Variants in CCDC171 observed in about 807,000 individuals in gnomAD.
The protein encoded by CCDC171 is coiled-coil domain-containing protein 171.
In CCDC171, 177 loss-of-function variants were observed where a neutral mutation model predicts 168.2. The ratio of observed to expected loss-of-function variants is 1.05; its 90% CI spans 0.93 to 1.19. The LOEUF (loss-of-function observed/expected upper bound fraction) is 1.19, where lower values mean the gene tolerates loss of function less well. Ranked by LOEUF, CCDC171 falls within the 50% of genes most tolerant of loss-of-function variation. The pLI is 0.00. For synonymous variants in CCDC171, 687 were observed against 540.8 expected, an observed-to-expected ratio of 1.27 and a Z score of -3.75; for missense variants, 1,991 against 1,539.0, an observed-to-expected ratio of 1.29 and a Z score of -4.91.
intron 18 of CCDC171, among the ~76,000 whole-genome samples, chr9:15,747,659 G>C (rs1336785970): frequency 6.6e-6 from 1 of 152,180 alleles, no homozygotes; most frequent in East Asian, 1.9e-4. Context: ...CAGCTGAGGA[G>C]CCTGTTAGAA....
chr9:15,630,278 C>T (rs1222240655), intron 7 of CCDC171, among the ~76,000 whole-genome samples: 6 of 152,108 alleles, frequency 3.9e-5, no homozygotes, highest in Non-Finnish European at 8.8e-5. Flanking sequence ...ATTCAGGAAA[C>T]CCATCTCACG....
chr9:16,019,433 T>A (rs915920723), intron 3 of CCDC171, among the ~76,000 whole-genome samples: 9 of 152,130 alleles, frequency 5.9e-5, no homozygotes, highest in African/African-American at 2.2e-4. Context: ...TTAAATTCTG[T>A]TGTTAGGAAG....
the CCDC171 span, among the ~76,000 whole-genome samples, chr9:16,092,906 C>G: frequency 1.3e-5 from 2 of 152,194 alleles, no homozygotes; most frequent in Admixed American, 1.3e-4. Flanking sequence ...CCCGGCTGGC[C>G]CTGTGCAGCC....
chr9:15,898,278 G>A (rs1821162329), intron 24 of CCDC171, among the ~76,000 whole-genome samples: 1 of 152,092 alleles, frequency 6.6e-6, no homozygotes, highest in African/African-American at 2.4e-5. Context: ...TAGAGTGTGG[G>A]GTTCACCTCC....
Position 15,729,804 on chromosome 9 carries a change from C to T in CCDC171, c.2049+6C>T. Reference sequence around the variant, plus strand: ...AGGTGCAGAAGAGGGCACAGGTATGCTACCTTTACAAAGAGCTTTAAAAAA... The same window carrying T: ...AGGTGCAGAAGAGGGCACAGGTATGTTACCTTTACAAAGAGCTTTAAAAAA... On this transcript the variant is annotated splice_donor_region_variant and intron_variant, in intron 16 of 25. Coordinates refer to ENST00000380701, the MANE Select transcript of CCDC171 (RefSeq NM_173550.4). 1 of 1,593,770 alleles carries T rather than the reference C, an allele frequency of 6.3e-7. No homozygotes were observed. Among genetic ancestry groups the T allele is most frequent in the South Asian group, 1.1e-5 (1 of 88,058 alleles).
chr9:15,625,000 T>G (rs934057047), intron 7 of CCDC171, among the ~76,000 whole-genome samples: 1 of 152,204 alleles, frequency 6.6e-6, no homozygotes, highest in Non-Finnish European at 1.5e-5. Context: ...TTTTAATGAT[T>G]GCCATTCTAA....
At position 15,744,307 on chromosome 9, in the gene CCDC171, A is replaced by G; in HGVS notation, c.2084A>G (p.Lys695Arg). The G allele has an allele frequency of 6.3e-7, 1 of 1,589,646 alleles. No homozygotes were observed. The highest frequency in any genetic ancestry group is 1.7e-4 in the Middle Eastern group (1 of 5,934). The stretch of plus-strand genomic sequence containing the variant: ...GAAATTGCTGAAAAAAACATGGAAA[A>G]ATTGAACCATATTGAGAAGTCACAT... The part of the protein sequence containing the change: ...FQEIAEKNME[K>R]LNHIEKSHEQ... The change falls in exon 17 of 26, where the codon AAA (lysine) becomes AGA (arginine). Residue 695 changes from lysine (K) to arginine (R), a missense_variant. Lys to Arg is a conservative substitution (Grantham distance 26, BLOSUM62 2). Transcript: ENST00000380701.
intron 3 of CCDC171, among the ~76,000 whole-genome samples, chr9:15,574,855 T>C (rs4740615): frequency 0.41 from 61,848 of 152,060 alleles, 14,285 homozygotes; most frequent in East Asian, 0.74. Context: ...GTTTCTTTGA[T>C]AGGTATTCAA....
intron 10 of CCDC171, among the ~76,000 whole-genome samples, chr9:15,684,288 G>GA (rs2050233997): frequency 6.6e-6 from 1 of 151,750 alleles, no homozygotes; most frequent in African/African-American, 2.4e-5. Context: ...GAAATTATAA[G>GA]AACTATATAT....
chr9:15,790,343 C>T (rs917716175), intron 21 of CCDC171, among the ~76,000 whole-genome samples: 1 of 152,078 alleles, frequency 6.6e-6, no homozygotes, highest in Non-Finnish European at 1.5e-5. Flanking sequence ...TCTCTAATGG[C>T]CAGTGATGAT....
rs1054218485 is a variant in CCDC171 at position 15,592,630 on chromosome 9, C to T, written c.543+1074C>T. ...ACAGTAGCTGGCATGCAGAAGGGCT[C>T]CATTAGTGTGTGAATGGGGGAGGTT... On this transcript the variant is annotated intron_variant, in intron 5 of 25. Coordinates refer to ENST00000380701, the MANE Select transcript of CCDC171 (RefSeq NM_173550.4). Among the ~76,000 whole-genome samples the T allele has an allele frequency of 2.6e-5, 4 of 151,812 alleles. No individual in the cohort carries two copies. The South Asian group carries it at 8.4e-4, about 32-fold the overall frequency.
At chr9:16,033,912 G>A (rs1833413576) in intron 6 of CCDC171, among the ~76,000 whole-genome samples, 1 of 152,196 alleles carries the variant, frequency 6.6e-6, no homozygotes, top group African/African-American at 2.4e-5. Flanking sequence ...TGTCAGTGGT[G>A]CCCACACAGG....
chr9:16,070,594 G>A, the CCDC171 span, among the ~76,000 whole-genome samples: 1 of 152,142 alleles, frequency 6.6e-6, no homozygotes, highest in African/African-American at 2.4e-5. Flanking sequence ...TGAGGAAGGA[G>A]GGAAGCCAGG....
intron 18 of CCDC171, among the ~76,000 whole-genome samples, chr9:15,754,193 G>A (rs2055945075): frequency 6.6e-6 from 1 of 152,110 alleles, no homozygotes; most frequent in Admixed American, 6.6e-5. Context: ...TTTAGCATAT[G>A]AATAACCTAA....
chr9:15,975,533 T>C (rs192185715), downstream of CCDC171, among the ~76,000 whole-genome samples: 351 of 152,294 alleles, frequency 2.3e-3, 3 homozygotes, highest in Middle Eastern at 3.4e-3. Context: ...GGTGTCTATC[T>C]TTCAAAGGAA....
chr9:15,989,681 A>G (rs1161197329), intron 3 of CCDC171, among the ~76,000 whole-genome samples: 1 of 152,084 alleles, frequency 6.6e-6, no homozygotes, highest in Non-Finnish European at 1.5e-5. Context: ...AACCTTGAAA[A>G]AAAGATTAGA....
intron 24 of CCDC171, among the ~76,000 whole-genome samples, chr9:15,912,365 A>G (rs929402599): frequency 3.3e-5 from 5 of 152,102 alleles, no homozygotes; most frequent in Middle Eastern, 3.2e-3. Flanking sequence ...TTATTGGTGT[A>G]TAGGAATTCT....
At chr9:16,035,719 A>G (rs183470600) in intron 7 of CCDC171, among the ~76,000 whole-genome samples, 31 of 152,222 alleles carry the variant, frequency 2.0e-4, no homozygotes, top group Non-Finnish European at 4.3e-4. Context: ...TGCTGCCTCT[A>G]TGTGTTTCAT....
chr9:15,824,205 C>T (rs1419253737), intron 21 of CCDC171, among the ~76,000 whole-genome samples: 5 of 151,932 alleles, frequency 3.3e-5, no homozygotes, highest in Admixed American at 2.0e-4. Flanking sequence ...TCCACATACT[C>T]AGTATATGTA....
Sources: gnomAD v4.1 joint callset for allele counts (sites outside exome capture counted in the v4.1 genomes callset) on GRCh38, gnomAD v4.1.1 for gene constraint, MANE v1.5 for transcripts, NCBI Gene and HGNC (gene_info 2026-07-23, HGNC 2026-07-21) for gene names.